The following ACP3 variants were observed in gnomAD, a reference collection of about 807,000 sequenced individuals.
ACP3 encodes the protein prostatic acid phosphatase.
ACP3 carries 38 observed loss-of-function variants against 45.6 expected under a neutral mutation model. The observed-to-expected ratio is 0.83, with a 90% CI of 0.64 to 1.09. ACP3 has a LOEUF of 1.09. ACP3 is among the 50% of genes least tolerant of loss of function. The probability of loss-of-function intolerance (pLI) is 0.00; values close to 1 mark genes in which losing one functional copy is unlikely to be tolerated. For missense variants in ACP3, 466 were observed against 463.2 expected (o/e 1.01, Z -0.05); for synonymous variants, 162 against 164.7 (o/e 0.98, Z 0.13).
At chr3:132,360,936 G>T (rs35785816), downstream of ACP3, among the ~76,000 whole-genome samples, 5,980 of 152,268 alleles carry the variant, frequency 0.039, 160 homozygotes, top group African/African-American at 0.059. Flanking sequence ...GTCCAGCCCT[G>T]CATACCTAGC....
chr3:132,367,916 G>T, exon 11 of ACP3: 1 of 936,770 alleles, frequency 1.1e-6, no homozygotes, highest in East Asian at 2.4e-5. Context: ...TGTGGGCATT[G>T]CCATCCTCAC....
At chr3:132,363,065 A>G (rs1938071592), downstream of ACP3, among the ~76,000 whole-genome samples, 1 of 152,088 alleles carries the variant, frequency 6.6e-6, no homozygotes, top group Non-Finnish European at 1.5e-5. Context: ...ATTTTACAGT[A>G]CAAAGGAGCA....
intron 10 of ACP3, among the ~76,000 whole-genome samples, chr3:132,365,842 T>A (rs565044175): frequency 4.4e-4 from 67 of 151,892 alleles, no homozygotes; most frequent in African/African-American, 1.6e-3. Flanking sequence ...CAAAAAAAAA[T>A]TAGCCAGGCA....
intron 4 of ACP3, among the ~76,000 whole-genome samples, chr3:132,334,525 GA>G (rs1430389999): frequency 6.6e-6 from 1 of 152,208 alleles, no homozygotes; most frequent in Non-Finnish European, 1.5e-5. Flanking sequence ...TATGCTGGGT[GA>G]AGTCAGAGAA....
At chr3:132,333,808 T>C (rs1167692032) in intron 4 of ACP3, among the ~76,000 whole-genome samples, 1 of 152,182 alleles carries the variant, frequency 6.6e-6, no homozygotes, top group African/African-American at 2.4e-5. Context: ...CGGTGGCTCA[T>C]GCCTGTAATC....
In ACP3 at chr3:132,356,745, T is replaced by C. The variant is rs141223268; in HGVS notation, c.1028T>C (p.Met343Thr). Residue 343 changes from methionine to threonine, a missense_variant, in exon 10 of 10, where the codon ATG (methionine) becomes ACG (threonine). By Grantham distance (81) the Met-to-Thr change is moderately conservative. Transcript: ENST00000336375. ...NETQHEPYPL[M>T]LPGCSPSCPL... is the part of the protein sequence containing the mutation. ...ACGCAGCACGAGCCGTATCCCCTCA[T>C]GCTACCTGGCTGCAGCCCCAGCTGT... The C allele has an allele frequency of 6.8e-5, 109 of 1,614,172 alleles. 1 individual carries two copies. In the East Asian group the frequency reaches 2.4e-3, roughly 36 times the overall value.
chr3:132,367,050 G>T (rs990768115), intron 10 of ACP3, among the ~76,000 whole-genome samples: 2 of 152,154 alleles, frequency 1.3e-5, no homozygotes, highest in African/African-American at 4.8e-5. Flanking sequence ...GTACAAACTG[G>T]TATTTATGAT....
At chr3:132,346,053 T>A (rs1937605434) in intron 7 of ACP3, among the ~76,000 whole-genome samples, 1 of 152,204 alleles carries the variant, frequency 6.6e-6, no homozygotes, top group Non-Finnish European at 1.5e-5. Context: ...TACAATCACA[T>A]CATGATTCCA....
intron 6 of ACP3, among the ~76,000 whole-genome samples, chr3:132,343,320 G>T (rs759404195): frequency 1.3e-4 from 20 of 152,174 alleles, no homozygotes; most frequent in Non-Finnish European, 2.6e-4. Context: ...CATCGTGAGA[G>T]TCTGGGGGGC....
At chr3:132,344,193 G>A (rs1383434219) in intron 6 of ACP3, among the ~76,000 whole-genome samples, 3 of 150,968 alleles carry the variant, frequency 2.0e-5, no homozygotes, top group Non-Finnish European at 2.9e-5. Flanking sequence ...CAAGAGAATC[G>A]CTTGAACCCA....
chr3:132,363,873 G>T (rs985832803), intron 10 of ACP3, among the ~76,000 whole-genome samples: 1 of 152,108 alleles, frequency 6.6e-6, no homozygotes, highest in Non-Finnish European at 1.5e-5. Context: ...GGAGGCGGAG[G>T]TTGCAGTGAA....
intron 7 of ACP3, among the ~76,000 whole-genome samples, chr3:132,347,844 T>TACACACACACACCCAC (rs1937630631): frequency 6.9e-6 from 1 of 144,906 alleles, no homozygotes; most frequent in Non-Finnish European, 1.5e-5. Context: ...CACACACACA[T>TACACACACACACCCAC]ACACACACAC....
intron 5 of ACP3, 86 bp from the exon 6 acceptor site, chr3:132,342,466 A>G: frequency 3.2e-6 from 3 of 949,234 alleles, no homozygotes; most frequent in Non-Finnish European, 5.0e-6. Context: ...GCTCCCTACA[A>G]CAAACAATTG....
chr3:132,349,450 G>C lies in ACP3; in HGVS notation c.782-470G>C, dbSNP rs1937668494. Among the ~76,000 whole-genome samples the C allele has an allele frequency of 2.0e-5, 3 of 152,216 alleles. No individual in the cohort carries two copies. In the South Asian group the frequency reaches 6.2e-4, roughly 32 times the overall value. Reference sequence around the variant, plus strand: ...CTCCCACAGGTCTGACTGCCAGAGAGTAGAAGCAAGAGGGGTGAAAATAGA... The same window carrying C: ...CTCCCACAGGTCTGACTGCCAGAGACTAGAAGCAAGAGGGGTGAAAATAGA... On this transcript the variant is annotated intron_variant, in intron 7 of 9. Coordinates refer to ENST00000336375, the MANE Select transcript of ACP3 (RefSeq NM_001099.5).
At chr3:132,331,794 T>C (rs992440230) in intron 3 of ACP3, 61 bp downstream of exon 3, 3 of 1,362,122 alleles carry the variant, frequency 2.2e-6, no homozygotes, top group Non-Finnish European at 2.0e-6. Context: ...TAATTCTGCA[T>C]ATATAAAAGT....
intron 6 of ACP3, among the ~76,000 whole-genome samples, chr3:132,342,914 C>T (rs1222634011): frequency 6.6e-6 from 1 of 152,024 alleles, no homozygotes; most frequent in Non-Finnish European, 1.5e-5. Flanking sequence ...TTTTTTCCCC[C>T]CTTGGATTCA....
At chr3:132,336,126 G>A (rs112569089) in intron 4 of ACP3, among the ~76,000 whole-genome samples, 8,085 of 152,212 alleles carry the variant, frequency 0.053, 282 homozygotes, top group Middle Eastern at 0.16. Flanking sequence ...CAGGCGTGGT[G>A]GCAGGCGCCT....
At chr3:132,359,471 G>A (rs113346007), downstream of ACP3, among the ~76,000 whole-genome samples, 3 of 152,052 alleles carry the variant, frequency 2.0e-5, no homozygotes, top group African/African-American at 4.8e-5. Context: ...TCGCGCCACT[G>A]CACTCCAGCC....
chr3:132,354,560 G>A (rs796861132), intron 9 of ACP3, among the ~76,000 whole-genome samples: 23 of 152,266 alleles, frequency 1.5e-4, no homozygotes, highest in African/African-American at 5.5e-4. Flanking sequence ...GATCAAGGAG[G>A]CTTCGAGTTA....
Sources: allele counts gnomAD v4.1 joint callset (sites outside exome capture counted in the v4.1 genomes callset), GRCh38; gene constraint gnomAD v4.1.1; transcripts MANE v1.5; gene names NCBI Gene and HGNC (gene_info 2026-07-23, HGNC 2026-07-21).